The following PDE2A variants were observed in gnomAD, a reference collection of about 807,000 sequenced individuals.
The protein encoded by PDE2A is cGMP-dependent 3',5'-cyclic phosphodiesterase.
A neutral mutation model predicts 133.6 loss-of-function variants in PDE2A; 53 were observed. The observed-to-expected ratio is 0.40, with a 90% CI of 0.32 to 0.50. The LOEUF (loss-of-function observed/expected upper bound fraction) is 0.50, where lower values mean the gene tolerates loss of function less well. Ranked by LOEUF, PDE2A falls within the 20% of genes least tolerant of loss-of-function variation. The pLI is 0.73. For synonymous variants in PDE2A, 491 were observed against 490.2 expected (o/e 1.00, Z -0.02); for missense variants, 796 against 1,232.4 (o/e 0.65, Z 5.30).
rs182143770 is a variant in PDE2A at position 72,597,343 on chromosome 11, G to C, written c.433+167C>G. On this transcript the variant is annotated intron_variant, in intron 5 of 30. Transcript: ENST00000334456. The surrounding 1 kb of genome is among the most constrained non-coding windows in gnomAD (Gnocchi z 4.6). ...AGGAAGTTGAGGCTCAGAGAATTTA[G>C]TAGTACAATAGAGAGAGAATTAGAT... 3.3e-5 allele frequency among the ~76,000 whole-genome samples: 5 copies of C among 152,252 alleles called. No individual in the cohort carries two copies. The East Asian group carries it at 9.7e-4, about 29-fold the overall frequency.
intron 2 of PDE2A, among the ~76,000 whole-genome samples, chr11:72,620,472 G>A (rs576934901): frequency 3.3e-5 from 5 of 152,112 alleles, no homozygotes; most frequent in Non-Finnish European, 7.4e-5. Flanking sequence ...ACCCTCCCAG[G>A]AACACAAGCG....
rs1374914612 is a variant in PDE2A, at chr11:72,588,856, A to T, written c.998T>A (p.Val333Asp). ...LGCELQAMLC[V>D]PVISRATDQV... ...GTCAGTGGCCCGGCTGATGACAGGG[A>T]CACAGAGCATGGCCTGCAGCTCACA... Residue 333 changes from valine to aspartate, a missense_variant, in exon 13 of 31, where the codon GTC (valine) becomes GAC (aspartate). By Grantham distance (152) the Val-to-Asp change is radical (BLOSUM62 -3). Around this residue, in one of 7 missense-constraint regions of PDE2A, gnomAD observed 417 missense variants for 475.3 expected, o/e 0.88. Coordinates refer to ENST00000334456, the MANE Select transcript of PDE2A (RefSeq NM_002599.5). The T allele has an allele frequency of 6.2e-7, 1 of 1,611,668 alleles. No homozygotes were observed. Among genetic ancestry groups the T allele is most frequent in the South Asian group, 1.1e-5 (1 of 90,998 alleles).
chr11:72,669,401 C>A (rs1855332492), intron 1 of PDE2A, among the ~76,000 whole-genome samples: 1 of 152,002 alleles, frequency 6.6e-6, no homozygotes, highest in African/African-American at 2.4e-5. Context: ...GGTGGGGGGG[C>A]AGTGAGAAGG....
Position 72,588,771 on chromosome 11 carries a change from C to T in PDE2A, c.1070+13G>A. ...TGACATCTCCTGATCTGCATCATCC[C>T]ACAAAGACTCACAAGTCTCCTTCTA... On this transcript the variant is annotated intron_variant, in intron 13 of 30. Coordinates refer to ENST00000334456, the MANE Select transcript of PDE2A (RefSeq NM_002599.5). 1.3e-6 allele frequency: 2 copies of T among 1,585,310 alleles called. No individual in the cohort carries two copies. Among genetic ancestry groups the T allele is most frequent in the Non-Finnish European group, 1.7e-6 (2 of 1,161,494 alleles).
At chr11:72,637,259 C>G (rs1424933480) in intron 2 of PDE2A, among the ~76,000 whole-genome samples, 1 of 152,226 alleles carries the variant, frequency 6.6e-6, no homozygotes, top group Non-Finnish European at 1.5e-5. Flanking sequence ...CCCACACACT[C>G]TACCAACATC....
intron 2 of PDE2A, among the ~76,000 whole-genome samples, chr11:72,624,954 C>T (rs533087007): frequency 2.6e-5 from 4 of 152,352 alleles, no homozygotes; most frequent in African/African-American, 9.6e-5. Context: ...TCCCTCTTGG[C>T]ATCACCCTGG....
rs1856220315 is a variant in PDE2A, at chr11:72,590,942, T to C, written c.549+355A>G. The C allele has an allele frequency of 1.7e-5, 6 of 354,934 alleles. No homozygotes were observed. The highest frequency in any genetic ancestry group is 3.0e-5 in the Non-Finnish European group (6 of 197,958). The allele number at this position is 354,934 out of a possible 1,614,324, so 22.0% of individuals were successfully genotyped here. A position where few individuals can be genotyped will look rare whatever the true frequency, so the allele number is the denominator to read the frequency against. The stretch of plus-strand genomic sequence containing the variant: ...CAGGCATGAAAGAGCCTCAGTATCA[T>C]TATGTGGAGGGTTCTTTCTAAGTAC... On this transcript the variant is annotated intron_variant, in intron 7 of 30. Coordinates refer to ENST00000334456, the MANE Select transcript of PDE2A (RefSeq NM_002599.5). The surrounding 1 kb of genome is among the most constrained non-coding windows in gnomAD (Gnocchi z 4.8).
intron 1 of PDE2A, among the ~76,000 whole-genome samples, chr11:72,651,887 T>G (rs1379106485): frequency 6.6e-6 from 1 of 152,150 alleles, no homozygotes; most frequent in Non-Finnish European, 1.5e-5. Flanking sequence ...AAGTCCTTAG[T>G]GCAGAAGACA....
At chr11:72,653,761 C>T (rs921289708) in intron 1 of PDE2A, among the ~76,000 whole-genome samples, 4 of 152,220 alleles carry the variant, frequency 2.6e-5, no homozygotes, top group African/African-American at 9.6e-5. Context: ...GTCTGCCCAT[C>T]AGTGGCATGG....
intron 3 of PDE2A, among the ~76,000 whole-genome samples, chr11:72,606,252 T>C (rs1435897784): frequency 6.6e-6 from 1 of 152,068 alleles, no homozygotes; most frequent in Non-Finnish European, 1.5e-5. Context: ...TCCACAACTC[T>C]GCTGTTTTCT....
chr11:72,580,995 G>T, intron 23 of PDE2A, 22 bp from the exon 24 acceptor site: 1 of 1,535,634 alleles, frequency 6.5e-7, no homozygotes. Flanking sequence ...GCAGAAAGGA[G>T]AAAAAAAAGA....
intron 2 of PDE2A, among the ~76,000 whole-genome samples, chr11:72,611,929 G>T (rs1263675447): frequency 6.6e-6 from 1 of 152,212 alleles, no homozygotes; most frequent in Non-Finnish European, 1.5e-5. Context: ...CCCATGAGGT[G>T]TGGGCTCAGA....
chr11:72,611,237 C>A (rs929733408), intron 2 of PDE2A, among the ~76,000 whole-genome samples: 2 of 152,130 alleles, frequency 1.3e-5, no homozygotes, highest in Non-Finnish European at 2.9e-5. Context: ...CTAAGTCTCC[C>A]CATTTGACCG....
In PDE2A at chr11:72,642,272, T is replaced by C; in HGVS notation, c.126A>G (p.Pro42=). The C allele has an allele frequency of 2.6e-6, 4 of 1,546,924 alleles. No homozygotes were observed. The highest frequency in any genetic ancestry group is 3.5e-6 in the Non-Finnish European group (4 of 1,149,580). Residue 42 remains proline (P), a synonymous_variant, in exon 2 of 31, where the codon CCA becomes CCG. Transcript: ENST00000334456. ...CCCCTACCTGCAGGCTGTCGGCGCA[T>C]GGCTGCGGCGGCGGCGGCGGCTCGT... ...KPDEPPPPPQ[P]CADSLQDALL...
At chr11:72,579,852 C>A in intron 25 of PDE2A, 1 of 504,072 alleles carries the variant, frequency 2.0e-6, no homozygotes, top group Non-Finnish European at 3.5e-6. Context: ...AGGGACCCAA[C>A]AAGGTAAGCT....
intron 1 of PDE2A, among the ~76,000 whole-genome samples, chr11:72,653,578 G>A (rs1225894356): frequency 6.6e-6 from 1 of 152,174 alleles, no homozygotes; most frequent in Admixed American, 6.5e-5. Flanking sequence ...CCTGAGGCAG[G>A]AGGCAATATA....
At chr11:72,671,268 G>A (rs1182990394) in intron 1 of PDE2A, among the ~76,000 whole-genome samples, 2 of 152,172 alleles carry the variant, frequency 1.3e-5, no homozygotes, top group South Asian at 2.1e-4. Context: ...CTGTGTCCCC[G>A]GTGACAAGCC....
chr11:72,657,035 C>T (rs1334845068), intron 1 of PDE2A, among the ~76,000 whole-genome samples: 1 of 152,128 alleles, frequency 6.6e-6, no homozygotes, highest in Non-Finnish European at 1.5e-5. Context: ...GAACATCTGT[C>T]GCTCCCCCAT....
At chr11:72,581,994 C>T (rs1396358153) in intron 21 of PDE2A, 47 bp from the exon 22 acceptor site, 3 of 1,495,986 alleles carry the variant, frequency 2.0e-6, no homozygotes, top group African/African-American at 1.4e-5. Context: ...AGTATCAAGA[C>T]GGGGCCCTTG....
Sources: gnomAD v4.1 joint callset for allele counts (sites outside exome capture counted in the v4.1 genomes callset) on GRCh38, gnomAD v4.1.1 for gene constraint, gnomAD v4.1.1 regional missense constraint, Gnocchi (gnomAD v3.1) non-coding constraint, MANE v1.5 for transcripts, NCBI Gene and HGNC (gene_info 2026-07-23, HGNC 2026-07-21) for gene names.